HMBOX1: variants seen among roughly 807,000 people sequenced by gnomAD.
HMBOX1 encodes homeobox containing 1, also known as homeobox-containing protein 1.
HMBOX1 carries 14 observed loss-of-function variants against 54.5 expected under a neutral mutation model. That is an observed-to-expected ratio of 0.26 (90% CI 0.17 to 0.40). The LOEUF is 0.40. Among genes scored for constraint, HMBOX1 ranks in the 10% least tolerant of loss-of-function variants. The pLI is 1.00. For missense variants in HMBOX1, 332 were observed against 514.4 expected, an observed-to-expected ratio of 0.65 and a Z score of 3.43; for synonymous variants, 160 against 181.0, an observed-to-expected ratio of 0.88 and a Z score of 0.93.
intron 1 of HMBOX1, among the ~76,000 whole-genome samples, chr8:28,922,911 C>G (rs971042938): frequency 6.6e-6 from 1 of 152,118 alleles, no homozygotes; most frequent in Non-Finnish European, 1.5e-5. Flanking sequence ...TCTGATCTCT[C>G]TTTACACATC....
At chr8:29,001,152 GACAAACAT>G (rs1245297219) in intron 4 of HMBOX1, among the ~76,000 whole-genome samples, 2 of 152,158 alleles carry the variant, frequency 1.3e-5, no homozygotes, top group African/African-American at 4.8e-5. Flanking sequence ...TGAAAATGGA[GACAAACAT>G]ACAAACATAC....
At chr8:29,048,681 G>T in intron 8 of HMBOX1, 1 of 337,268 alleles carries the variant, frequency 3.0e-6, no homozygotes. Flanking sequence ...AGAACCCCAA[G>T]ATAGGAAGAC....
intron 6 of HMBOX1, among the ~76,000 whole-genome samples, chr8:29,042,244 A>G (rs989628048): frequency 1.3e-5 from 2 of 152,160 alleles, no homozygotes; most frequent in Admixed American, 6.5e-5. Context: ...GAGTTGAGAA[A>G]ATGAAAGGAA....
At chr8:29,012,522 A>G (rs1361481060) in intron 5 of HMBOX1, among the ~76,000 whole-genome samples, 1 of 152,232 alleles carries the variant, frequency 6.6e-6, no homozygotes, top group Non-Finnish European at 1.5e-5. Flanking sequence ...TATCAAGGGC[A>G]TATTTATGTA....
intron 1 of HMBOX1, among the ~76,000 whole-genome samples, chr8:28,937,511 CA>C (rs1015165478): frequency 6.6e-6 from 1 of 152,112 alleles, no homozygotes; most frequent in African/African-American, 2.4e-5. Flanking sequence ...AAATAGAGTG[CA>C]ACCCAACACA....
At chr8:29,009,959 T>C (rs2132852706) in intron 5 of HMBOX1, 2 of 1,051,904 alleles carry the variant, frequency 1.9e-6, no homozygotes, top group South Asian at 2.9e-5. Flanking sequence ...TCAAAGCCTT[T>C]GCACACAGAC....
At position 28,925,986 on chromosome 8, in the gene HMBOX1, T is replaced by A. The variant is rs185752113; in HGVS notation, c.-58+35308T>A. Among the ~76,000 whole-genome samples the A allele has an allele frequency of 2.0e-3, 298 of 152,240 alleles. 2 individuals carry two copies. Among genetic ancestry groups the A allele is most frequent in the African/African-American group, 6.7e-3 (279 of 41,524 alleles). ...CACTTCATCAGCTTCAGGTTTTTTTTATAATGATTTCTTACAGTAAAATGA... is the reference window on the plus strand; with the variant it reads ...CACTTCATCAGCTTCAGGTTTTTTTAATAATGATTTCTTACAGTAAAATGA... On this transcript the variant is annotated intron_variant, in intron 1 of 9. Transcript: ENST00000287701.
chr8:29,051,963 T>C lies in HMBOX1; in HGVS notation c.*808T>C, dbSNP rs1806480923. 1 of 186,676 alleles carries C rather than the reference T, an allele frequency of 5.4e-6. No individual in the cohort carries two copies. Among genetic ancestry groups the C allele is most frequent in the African/African-American group, 2.4e-5 (1 of 42,122 alleles). 11.6% of individuals were successfully genotyped at this position (186,676 alleles called of 1,614,324 possible). On this transcript the variant is annotated 3_prime_UTR_variant, in exon 10 of 10. Transcript: ENST00000287701. ...AAAAAAAAAATATGAGCTGAATGTCTAATGGATGCTAAGTCCAGTTTTCAG... is the reference window on the plus strand; with the variant it reads ...AAAAAAAAAATATGAGCTGAATGTCCAATGGATGCTAAGTCCAGTTTTCAG...
chr8:29,019,824 C>G (rs911575769), intron 6 of HMBOX1, among the ~76,000 whole-genome samples: 4 of 152,138 alleles, frequency 2.6e-5, no homozygotes, highest in Non-Finnish European at 4.4e-5. Flanking sequence ...TGATTATTTC[C>G]CAGCTCATGA....
intron 4 of HMBOX1, among the ~76,000 whole-genome samples, chr8:29,008,093 C>T (rs915211250): frequency 5.3e-5 from 8 of 152,106 alleles, no homozygotes; most frequent in African/African-American, 1.9e-4. Context: ...ATTCGGTTAC[C>T]CTCAGTAATT....
intron 6 of HMBOX1, among the ~76,000 whole-genome samples, chr8:29,040,654 A>G (rs1804680654): frequency 6.6e-6 from 1 of 152,146 alleles, no homozygotes; most frequent in South Asian, 2.1e-4. Context: ...TACATTTTTT[A>G]ATTACAAAAA....
chr8:28,935,304 A>G (rs1820201859), intron 1 of HMBOX1, among the ~76,000 whole-genome samples: 1 of 152,234 alleles, frequency 6.6e-6, no homozygotes, highest in South Asian at 2.1e-4. Context: ...AATACCTATA[A>G]TAAGCCAATT....
At chr8:28,913,478 C>G (rs1815880068) in intron 1 of HMBOX1, among the ~76,000 whole-genome samples, 1 of 152,146 alleles carries the variant, frequency 6.6e-6, no homozygotes, top group African/African-American at 2.4e-5. Flanking sequence ...CCGGCAATGT[C>G]CATTAGTTCT....
chr8:29,012,014 A>G lies in HMBOX1; in HGVS notation c.697+2832A>G, dbSNP rs59528309. The stretch of plus-strand genomic sequence containing the variant: ...TCCTAACTACTGGTTTTCTCAGTCA[A>G]GTTTTTCTGTGGGACATAATTTAAA... On this transcript the variant is annotated intron_variant, in intron 5 of 9. Transcript: ENST00000287701. Among the ~76,000 whole-genome samples the G allele has an allele frequency of 4.0e-3, 605 of 152,278 alleles. 10 individuals carry two copies. In the East Asian group the frequency reaches 0.055, roughly 14 times the overall value.
chr8:28,939,561 G>A (rs1585944445), intron 1 of HMBOX1, among the ~76,000 whole-genome samples: 1 of 151,988 alleles, frequency 6.6e-6, no homozygotes, highest in East Asian at 1.9e-4. Flanking sequence ...AGACTGGAGT[G>A]CAGTGGTGCC....
chr8:29,033,929 C>T (rs1803424260), intron 6 of HMBOX1, among the ~76,000 whole-genome samples: 2 of 152,288 alleles, frequency 1.3e-5, no homozygotes, highest in South Asian at 4.1e-4. Flanking sequence ...GGAAAATCTT[C>T]ACAGAAAACT....
At chr8:28,966,264 G>A (rs1192447763) in intron 2 of HMBOX1, among the ~76,000 whole-genome samples, 1 of 152,048 alleles carries the variant, frequency 6.6e-6, no homozygotes, top group Non-Finnish European at 1.5e-5. Flanking sequence ...ATGGTCTTAT[G>A]GTATGATATT....
At chr8:29,033,374 A>G (rs1803323481) in intron 6 of HMBOX1, among the ~76,000 whole-genome samples, 1 of 152,224 alleles carries the variant, frequency 6.6e-6, no homozygotes, top group Non-Finnish European at 1.5e-5. Flanking sequence ...AATAGAAGGC[A>G]GTTCTTAACA....
chr8:28,944,563 T>A (rs757002274), intron 1 of HMBOX1, among the ~76,000 whole-genome samples: 3 of 152,212 alleles, frequency 2.0e-5, no homozygotes, highest in Non-Finnish European at 4.4e-5. Context: ...TCTCCAAACG[T>A]TGGATTACTA....
Sources: gnomAD v4.1 joint callset for allele counts (sites outside exome capture counted in the v4.1 genomes callset) on GRCh38, gnomAD v4.1.1 for gene constraint, MANE v1.5 for transcripts, NCBI Gene and HGNC (gene_info 2026-07-23, HGNC 2026-07-21) for gene names.